NRF1: variants seen among roughly 807,000 people sequenced by gnomAD.
The protein encoded by NRF1 is nuclear respiratory factor 1.
In NRF1, 5 loss-of-function variants were observed where a neutral mutation model predicts 58.5. The ratio of observed to expected loss-of-function variants is 0.09; its 90% CI spans 0.04 to 0.18. The LOEUF (loss-of-function observed/expected upper bound fraction) is 0.18, where lower values mean the gene tolerates loss of function less well. Ranked by LOEUF, NRF1 falls within the 10% of genes least tolerant of loss-of-function variation. NRF1 has a pLI of 1.00. For missense variants in NRF1, 288 were observed against 657.7 expected, an observed-to-expected ratio of 0.44 and a Z score of 6.15; for synonymous variants, 224 against 246.7, an observed-to-expected ratio of 0.91 and a Z score of 0.86.
At chr7:129,720,999 T>A (rs939702846) in intron 9 of NRF1, among the ~76,000 whole-genome samples, 7 of 152,014 alleles carry the variant, frequency 4.6e-5, no homozygotes, top group Non-Finnish European at 7.4e-5. Context: ...TGTATATACA[T>A]ACATACATAT....
chr7:129,744,220 A>G, intron 10 of NRF1: 2 of 1,549,324 alleles, frequency 1.3e-6, no homozygotes, highest in Non-Finnish European at 1.7e-6. Context: ...CCTGACTGAC[A>G]AAGCCACAGG....
intron 10 of NRF1, 83 bp from the exon 11 acceptor site, chr7:129,754,935 G>T: frequency 7.1e-7 from 1 of 1,402,708 alleles, no homozygotes; most frequent in Non-Finnish European, 9.5e-7. Context: ...TACCTCAAAG[G>T]CAAGACTTGG....
chr7:129,710,447 A>T lies in NRF1; in HGVS notation c.839A>T (p.Tyr280Phe). The change falls in exon 7 of 11, where the codon TAT becomes TTT. Residue 280 changes from tyrosine (Y) to phenylalanine (F), a missense_variant. Coordinates refer to ENST00000393232, the MANE Select transcript of NRF1 (RefSeq NM_005011.5). ...CAGCATGGGCGGGAAGACCTTTTGT[A>T]TGCCTTTGAAGATCAGCAAACGCAA... ...YKQHGREDLL[Y>F]AFEDQQTQTQ... 1.9e-6 allele frequency: 3 copies of T among 1,614,138 alleles called. No homozygotes were observed. The highest frequency in any genetic ancestry group is 1.7e-6 in the Non-Finnish European group (2 of 1,179,976).
chr7:129,676,617 C>T (rs1459827632), intron 3 of NRF1, among the ~76,000 whole-genome samples: 4 of 152,268 alleles, frequency 2.6e-5, no homozygotes, highest in East Asian at 3.9e-4. Context: ...ATAGTAACAT[C>T]GAAGATCACT....
At chr7:129,630,136 T>G (rs976420423) in intron 1 of NRF1, 1 of 152,180 alleles carries the variant, frequency 6.6e-6, no homozygotes, top group African/African-American at 2.4e-5. Context: ...TTAATGAATG[T>G]GGTATGCTGA....
intron 9 of NRF1, among the ~76,000 whole-genome samples, chr7:129,724,033 A>G (rs1261022696): frequency 6.6e-6 from 1 of 152,238 alleles, no homozygotes. Flanking sequence ...ATGGCAAAGG[A>G]AAAATAGACA....
chr7:129,629,863 G>A (rs1801010231), intron 1 of NRF1, among the ~76,000 whole-genome samples: 2 of 152,188 alleles, frequency 1.3e-5, no homozygotes, highest in Admixed American at 1.3e-4. Context: ...TGTGCTAAGT[G>A]TCAGTAGTTT....
Position 129,755,405 on chromosome 7 carries a change from C to A in NRF1, c.*224C>A, listed in dbSNP as rs1226228016. 6.3e-6 allele frequency: 3 copies of A among 474,818 alleles called. No individual in the cohort carries two copies. The East Asian group carries it at 1.2e-4, about 19-fold the overall frequency. 29.4% of individuals were successfully genotyped at this position (474,818 alleles called of 1,614,324 possible). Reference sequence around the variant, plus strand: ...GAAACTGCATTGTCAATTTCACTGTCCCAAAAAAGCCAAATTGTGGCAGGA... The same window carrying A: ...GAAACTGCATTGTCAATTTCACTGTACCAAAAAAGCCAAATTGTGGCAGGA... On this transcript the variant is annotated 3_prime_UTR_variant, in exon 11 of 11. Coordinates refer to ENST00000393232, the MANE Select transcript of NRF1 (RefSeq NM_005011.5). This position sits in a 1 kb window ranked among gnomAD's most constrained non-coding sequence, Gnocchi z 5.8.
In NRF1 at chr7:129,741,650, T is replaced by C. The variant is rs1163294719; in HGVS notation, c.1349-13368T>C. On this transcript the variant is annotated intron_variant, in intron 10 of 10. Coordinates refer to ENST00000393232, the MANE Select transcript of NRF1 (RefSeq NM_005011.5). The surrounding 1 kb of genome is among the most constrained non-coding windows in gnomAD (Gnocchi z 4.0). ...AATATTAGAACAGGAAAAATTCTTATAAAGTTTTTCAGGTTCTTGGGTAAA... is the reference window on the plus strand; with the variant it reads ...AATATTAGAACAGGAAAAATTCTTACAAAGTTTTTCAGGTTCTTGGGTAAA... 6.6e-6 allele frequency among the ~76,000 whole-genome samples: 1 copy of C among 152,226 alleles called. No individual in the cohort carries two copies. The highest frequency in any genetic ancestry group is 1.9e-4 in the East Asian group (1 of 5,192).
chr7:129,625,834 A>C (rs1275018076), intron 1 of NRF1, among the ~76,000 whole-genome samples: 1 of 151,930 alleles, frequency 6.6e-6, no homozygotes, highest in Non-Finnish European at 1.5e-5. Context: ...GGTGCCTGCC[A>C]CCACACCTGG....
intron 2 of NRF1, among the ~76,000 whole-genome samples, chr7:129,666,412 G>A (rs2151080677): frequency 6.6e-6 from 1 of 152,264 alleles, no homozygotes; most frequent in South Asian, 2.1e-4. Context: ...GTATCACTCT[G>A]ATACTATGTT....
chr7:129,625,798 C>T (rs535953150), intron 1 of NRF1, among the ~76,000 whole-genome samples: 43 of 150,056 alleles, frequency 2.9e-4, no homozygotes, highest in Middle Eastern at 3.5e-3. Context: ...TCTCCTGCCT[C>T]AGCCTCCCGA....
At chr7:129,634,377 A>G (rs1801125478) in intron 1 of NRF1, among the ~76,000 whole-genome samples, 1 of 150,544 alleles carries the variant, frequency 6.6e-6, no homozygotes, top group South Asian at 2.1e-4. Context: ...CCTGACAACT[A>G]TTTTTTTTTA....
At chr7:129,725,932 T>G (rs1321344878) in intron 9 of NRF1, among the ~76,000 whole-genome samples, 1 of 152,228 alleles carries the variant, frequency 6.6e-6, no homozygotes, top group East Asian at 1.9e-4. Context: ...TATCTGTTGT[T>G]TTACTTGTGT....
At chr7:129,746,922 C>G (rs74992506) in intron 10 of NRF1, among the ~76,000 whole-genome samples, 6,498 of 152,310 alleles carry the variant, frequency 0.043, 168 homozygotes, top group Middle Eastern at 0.12. Flanking sequence ...GGAAGGCCTT[C>G]AGGCTGAAAG....
chr7:129,616,314 G>A (rs1021109408), intron 1 of NRF1, among the ~76,000 whole-genome samples: 1 of 152,194 alleles, frequency 6.6e-6, no homozygotes, highest in Non-Finnish European at 1.5e-5. Context: ...TGGTTATGGT[G>A]GTTCATGCCT....
chr7:129,733,340 G>A (rs1803628665), intron 10 of NRF1, among the ~76,000 whole-genome samples: 1 of 150,994 alleles, frequency 6.6e-6, no homozygotes, highest in East Asian at 2.0e-4. Context: ...GGTGGCGGGT[G>A]CCTGTAGTCC....
chr7:129,621,223 T>G (rs1800790771), intron 1 of NRF1, among the ~76,000 whole-genome samples: 1 of 152,234 alleles, frequency 6.6e-6, no homozygotes, highest in African/African-American at 2.4e-5. Context: ...GTGATATCCA[T>G]ACTTTTGCTT....
chr7:129,687,546 G>T (rs1802470057), intron 4 of NRF1, among the ~76,000 whole-genome samples: 1 of 152,206 alleles, frequency 6.6e-6, no homozygotes, highest in South Asian at 2.1e-4. Flanking sequence ...AAAGTGCTGG[G>T]ATTACAGGCG....
Sources: gnomAD v4.1 joint callset for allele counts (sites outside exome capture counted in the v4.1 genomes callset) on GRCh38, gnomAD v4.1.1 for gene constraint, Gnocchi (gnomAD v3.1) non-coding constraint, MANE v1.5 for transcripts, NCBI Gene and HGNC (gene_info 2026-07-23, HGNC 2026-07-21) for gene names.